Variants in BZW2 observed in about 807,000 individuals in gnomAD.
BZW2 encodes the protein basic leucine zipper and W2 domains 2.
Under a neutral mutation model 53.2 loss-of-function variants are expected in BZW2, and 23 were observed. That is an observed-to-expected ratio of 0.43 (90% CI 0.31 to 0.61). The LOEUF (loss-of-function observed/expected upper bound fraction) is 0.61. Ranked by LOEUF, BZW2 falls within the 20% of genes least tolerant of loss-of-function variation. The pLI is 0.09. For missense variants in BZW2, 409 were observed against 503.1 expected (o/e 0.81, Z 1.79); for synonymous variants, 227 against 186.4 (o/e 1.22, Z -1.77).
At chr7:16,677,391 CTT>C (rs983772300) in intron 3 of BZW2, among the ~76,000 whole-genome samples, 28 of 152,288 alleles carry the variant, frequency 1.8e-4, no homozygotes, top group African/African-American at 6.7e-4. Context: ...AGTCCTGTCT[CTT>C]AGTACCCCCT....
intron 1 of BZW2, among the ~76,000 whole-genome samples, chr7:16,654,868 A>G (rs567821199): frequency 6.6e-6 from 1 of 152,246 alleles, no homozygotes; most frequent in East Asian, 1.9e-4. Context: ...AAGTGTGAAC[A>G]GTGGTCATTA....
chr7:16,693,648 A>G (rs1306365060), intron 7 of BZW2, among the ~76,000 whole-genome samples: 6 of 152,190 alleles, frequency 3.9e-5, no homozygotes, highest in African/African-American at 1.4e-4. Context: ...GTACATTTTG[A>G]TTCATAGAAG....
At chr7:16,695,087 C>T in intron 8 of BZW2, 83 bp downstream of exon 8, 1 of 1,302,236 alleles carries the variant, frequency 7.7e-7, no homozygotes, top group Admixed American at 2.3e-5. Flanking sequence ...CTTTCCTTAA[C>T]AAGTCTGTCC....
chr7:16,698,050 A>G lies in BZW2; in HGVS notation c.972A>G (p.Gln324=). 1 of 1,614,060 alleles carries G rather than the reference A, an allele frequency of 6.2e-7. No homozygotes were observed. Among genetic ancestry groups the G allele is most frequent in the South Asian group, 1.1e-5 (1 of 91,076 alleles). Residue 324 remains glutamine, a splice_region_variant and synonymous_variant, in exon 10 of 12, where the codon CAA becomes CAG. Transcript: ENST00000258761. ...TTTACTCTCCACTTCTGTTCTAGCAATATGCTCCCCTGCTGGCCGTGTTCA... is the reference window on the plus strand; with the variant it reads ...TTTACTCTCCACTTCTGTTCTAGCAGTATGCTCCCCTGCTGGCCGTGTTCA... ...VAEQALKHLK[Q]YAPLLAVFSS... is the part of the protein sequence containing the mutation.
chr7:16,699,636 C>T (rs761492724), intron 10 of BZW2, among the ~76,000 whole-genome samples: 7 of 151,994 alleles, frequency 4.6e-5, no homozygotes, highest in African/African-American at 1.4e-4. Flanking sequence ...ACTGAGACAT[C>T]GTTGTCGGAG....
chr7:16,674,496 T>C lies in BZW2; in HGVS notation c.143T>C (p.Val48Ala), dbSNP rs1033606410. The C allele has an allele frequency of 6.2e-7, 1 of 1,613,670 alleles. No homozygotes were observed. Among genetic ancestry groups the C allele is most frequent in the Non-Finnish European group, 8.5e-7 (1 of 1,179,676 alleles). Residue 48 changes from valine (V) to alanine (A), a missense_variant, in exon 3 of 12, where the codon GTA becomes GCA. Val to Ala is a moderately conservative substitution (Grantham distance 64). Coordinates refer to ENST00000258761, the MANE Select transcript of BZW2 (RefSeq NM_014038.3). ...GAGGCTGGTGATGACCTTGAAGCTG[T>C]AGCCAAATTTCTGGACTCTACAGGC... ...LNEAGDDLEA[V>A]AKFLDSTGSR... is the part of the protein sequence containing the mutation.
intron 10 of BZW2, 97 bp downstream of exon 10, chr7:16,698,283 T>A (rs556246742): frequency 6.8e-7 from 1 of 1,466,580 alleles, no homozygotes; most frequent in South Asian, 1.2e-5. Context: ...TGGGGCTCTG[T>A]TTAGAGAGGG....
At chr7:16,666,206 C>T (rs1782420973) in intron 2 of BZW2, among the ~76,000 whole-genome samples, 1 of 151,878 alleles carries the variant, frequency 6.6e-6, no homozygotes, top group South Asian at 2.1e-4. Context: ...GTGGTCCTTT[C>T]ACCTCAGCCT....
At chr7:16,685,811 G>C (rs1409787831) in intron 5 of BZW2, 94 bp from the exon 6 acceptor site, 36 of 1,401,050 alleles carry the variant, frequency 2.6e-5, no homozygotes, top group Non-Finnish European at 3.3e-5. Context: ...GATGTTCACA[G>C]TTTATCTTCC....
intron 9 of BZW2, 102 bp downstream of exon 9, chr7:16,697,163 C>A (rs568686105): frequency 1.5e-6 from 2 of 1,368,648 alleles, no homozygotes; most frequent in East Asian, 2.6e-5. Context: ...GATCTGCGCT[C>A]ACTGCAACTT....
chr7:16,681,397 A>T lies in BZW2; in HGVS notation c.332A>T (p.Tyr111Phe), dbSNP rs1202098440. The T allele has an allele frequency of 6.2e-7, 1 of 1,613,444 alleles. No individual in the cohort carries two copies. The highest frequency in any genetic ancestry group is 8.5e-7 in the Non-Finnish European group (1 of 1,179,440). Residue 111 changes from tyrosine (Y) to phenylalanine (F), a missense_variant, in exon 4 of 12, where the codon TAT (tyrosine) becomes TTT (phenylalanine). By Grantham distance (22) the Tyr-to-Phe change is conservative. This residue lies in a region of BZW2 where 316 missense variants were observed against 366.8 expected (regional missense o/e 0.86). Transcript: ENST00000258761. ...GAAGATCATGAAACCATCCGAAACT[A>T]TGCTCAGGTAGAGCCTGTTTGAGAG... ...ANEDHETIRN[Y>F]AQVFNKLIRR...
chr7:16,695,928 T>A (rs950940544), intron 8 of BZW2: 2 of 152,234 alleles, frequency 1.3e-5, no homozygotes, highest in African/African-American at 4.8e-5. Flanking sequence ...TACATTATTT[T>A]CCATGGGGAA....
intron 1 of BZW2, among the ~76,000 whole-genome samples, chr7:16,648,026 A>G (rs1274246861): frequency 1.3e-5 from 2 of 152,220 alleles, no homozygotes; most frequent in Non-Finnish European, 2.9e-5. Flanking sequence ...CAGTGAATTT[A>G]GAGACAATAA....
intron 1 of BZW2, among the ~76,000 whole-genome samples, chr7:16,652,018 G>A (rs1377560021): frequency 6.6e-6 from 1 of 152,146 alleles, no homozygotes; most frequent in African/African-American, 2.4e-5. Flanking sequence ...TGCACTGAGT[G>A]GAGACAGTGG....
intron 2 of BZW2, among the ~76,000 whole-genome samples, chr7:16,666,389 T>TTTTA (rs79317366): frequency 0.018 from 2,624 of 145,986 alleles, 60 homozygotes; most frequent in African/African-American, 0.051. Context: ...TATAAAAGAC[T>TTTTA]TTTATTTATT....
In BZW2 at chr7:16,685,937, A is replaced by G. The variant is rs1783106605; in HGVS notation, c.438A>G (p.Thr146=). The G allele has an allele frequency of 1.3e-6, 2 of 1,555,514 alleles. No homozygotes were observed. The highest frequency in any genetic ancestry group is 1.2e-5 in the South Asian group (1 of 84,760). Residue 146 remains threonine (T), a synonymous_variant, in exon 6 of 12, where the codon ACA becomes ACG. Transcript: ENST00000258761. ...LLLFLKAFSE[T]EQTKLAMLSG... ...TCTTCCTTAAAGCCTTTTCCGAAACAGAGCAGACAAAGTTGGCGATGCTGT... is the reference window on the plus strand; with the variant it reads ...TCTTCCTTAAAGCCTTTTCCGAAACGGAGCAGACAAAGTTGGCGATGCTGT...
intron 2 of BZW2, among the ~76,000 whole-genome samples, chr7:16,667,445 C>G (rs1236696844): frequency 4.6e-5 from 7 of 152,202 alleles, no homozygotes; most frequent in Middle Eastern, 3.2e-3. Flanking sequence ...AGCAGAATCA[C>G]ATGTAATGAT....
chr7:16,678,011 C>G (rs1042795614), intron 3 of BZW2, among the ~76,000 whole-genome samples: 1 of 149,538 alleles, frequency 6.7e-6, no homozygotes, highest in Non-Finnish European at 1.5e-5. Context: ...TAGGTGCATT[C>G]TTCTTACATA....
At chr7:16,650,561 T>A (rs1176946414) in intron 1 of BZW2, among the ~76,000 whole-genome samples, 1 of 152,202 alleles carries the variant, frequency 6.6e-6, no homozygotes, top group African/African-American at 2.4e-5. Flanking sequence ...ACTTTCTAAT[T>A]TGTGCAATTT....
Sources: gnomAD v4.1 joint callset for allele counts (sites outside exome capture counted in the v4.1 genomes callset) on GRCh38, gnomAD v4.1.1 for gene constraint, gnomAD v4.1.1 regional missense constraint, MANE v1.5 for transcripts, NCBI Gene and HGNC (gene_info 2026-07-23, HGNC 2026-07-21) for gene names.